Variants in ADAM18 observed in about 807,000 individuals in gnomAD.
The protein encoded by ADAM18 is disintegrin and metalloproteinase domain-containing protein 18.
In ADAM18, 117 loss-of-function variants were observed where a neutral mutation model predicts 94.4. That is an observed-to-expected ratio of 1.24 (90% CI 1.07 to 1.45). The LOEUF is 1.45. Ranked by LOEUF, ADAM18 falls within the 40% of genes most tolerant of loss-of-function variation. ADAM18 has a pLI of 0.00. For synonymous variants in ADAM18, 327 were observed against 291.6 expected (o/e 1.12, Z -1.24); for missense variants, 936 against 880.0 (o/e 1.06, Z -0.81).
intron 6 of ADAM18, among the ~76,000 whole-genome samples, chr8:39,615,677 C>T (rs566106419): frequency 7.2e-5 from 11 of 152,270 alleles, no homozygotes; most frequent in Admixed American, 7.2e-4. Flanking sequence ...ACACTCACCA[C>T]TCCCATTCAA....
At chr8:39,677,322 G>T in intron 14 of ADAM18, 109 bp from the exon 15 acceptor site, 1 of 847,812 alleles carries the variant, frequency 1.2e-6, no homozygotes, top group South Asian at 1.8e-5. Flanking sequence ...ACAAAAGCAT[G>T]ATCAACAAGT....
intron 6 of ADAM18, chr8:39,611,529 T>C (rs1452911189): frequency 2.0e-6 from 2 of 985,270 alleles, no homozygotes; most frequent in African/African-American, 3.5e-5. Flanking sequence ...TAGTTCATTA[T>C]TGCCAAAAGT....
intron 16 of ADAM18, among the ~76,000 whole-genome samples, chr8:39,687,268 A>C (rs1269984724): frequency 1.3e-5 from 2 of 152,232 alleles, no homozygotes; most frequent in Non-Finnish European, 2.9e-5. Context: ...ATGGCCATGC[A>C]TGGCACTTTA....
chr8:39,681,252 A>G (rs1000395505), intron 16 of ADAM18, among the ~76,000 whole-genome samples: 1 of 152,196 alleles, frequency 6.6e-6, no homozygotes, highest in Non-Finnish European at 1.5e-5. Flanking sequence ...CTACAAGGAA[A>G]GCAATTGTGG....
chr8:39,715,783 G>T (rs950164607), intron 18 of ADAM18, among the ~76,000 whole-genome samples: 1 of 151,960 alleles, frequency 6.6e-6, no homozygotes, highest in Admixed American at 6.6e-5. Flanking sequence ...CATACTAAAA[G>T]AATTAAATCA....
Position 39,592,996 on chromosome 8 carries a change from C to T in ADAM18, c.132+7644C>T, listed in dbSNP as rs77229130. On this transcript the variant is annotated intron_variant, in intron 2 of 19. Coordinates refer to ENST00000265707, the MANE Select transcript of ADAM18 (RefSeq NM_014237.3). ...ATTATCTTAGCTAGATCTTACAGAT[C>T]ACTTGTTTCAGCTTCTGTATTGGGA... 8.0e-3 allele frequency among the ~76,000 whole-genome samples: 1,220 copies of T among 152,228 alleles called. 10 individuals carry two copies. The highest frequency in any genetic ancestry group is 0.037 in the Middle Eastern group (11 of 294).
At chr8:39,624,571 A>G (rs963886586) in intron 6 of ADAM18, among the ~76,000 whole-genome samples, 3 of 152,188 alleles carry the variant, frequency 2.0e-5, no homozygotes, top group Non-Finnish European at 2.9e-5. Context: ...GTTTGAAGTC[A>G]GGTCATGTAG....
chr8:39,687,597 C>A lies in ADAM18; in HGVS notation c.1822-5003C>A, dbSNP rs138087198. Among the ~76,000 whole-genome samples the A allele has an allele frequency of 6.6e-5, 10 of 152,216 alleles. No individual in the cohort carries two copies. In the East Asian group the frequency reaches 1.9e-3, roughly 29 times the overall value. On this transcript the variant is annotated intron_variant, in intron 16 of 19. Transcript: ENST00000265707. ...AGTGAGCATAGTACCCAATAAGTAG[C>A]CTCCCAACCCAGGCCCCTTTCCCCA...
intron 7 of ADAM18, among the ~76,000 whole-genome samples, chr8:39,634,463 G>A (rs62511900): frequency 0.065 from 9,863 of 152,266 alleles, 389 homozygotes; most frequent in South Asian, 0.13. Flanking sequence ...AACATGGGCT[G>A]CACACAGCAA....
intron 2 of ADAM18, among the ~76,000 whole-genome samples, chr8:39,600,101 T>G (rs1259174344): frequency 6.6e-6 from 1 of 152,204 alleles, no homozygotes; most frequent in Non-Finnish European, 1.5e-5. Flanking sequence ...AGTTTTCATC[T>G]GTTCTTGGTT....
rs755296293 is a variant in ADAM18 at position 39,723,744 on chromosome 8, C to T, written c.2018-4C>T. 4 of 1,468,812 alleles carry T rather than the reference C, an allele frequency of 2.7e-6. No individual in the cohort carries two copies. The highest frequency in any genetic ancestry group is 3.6e-6 in the Non-Finnish European group (4 of 1,110,784). 91.0% of individuals were successfully genotyped at this position (1,468,812 alleles called of 1,614,324 possible). ...CACTAATTTATCATATGATTCATTT[C>T]TAGGTGACTTTTATACTGAAAAAGG... On this transcript the variant is annotated splice_polypyrimidine_tract_variant and splice_region_variant and intron_variant, in intron 18 of 19. Coordinates refer to ENST00000265707, the MANE Select transcript of ADAM18 (RefSeq NM_014237.3).
intron 16 of ADAM18, among the ~76,000 whole-genome samples, chr8:39,690,881 T>C (rs1821756019): frequency 6.6e-6 from 1 of 152,196 alleles, no homozygotes; most frequent in Non-Finnish European, 1.5e-5. Flanking sequence ...AATTATTCAC[T>C]CTATCAAAGA....
At chr8:39,641,568 T>C (rs1820237959) in intron 10 of ADAM18, among the ~76,000 whole-genome samples, 1 of 151,946 alleles carries the variant, frequency 6.6e-6, no homozygotes, top group Non-Finnish European at 1.5e-5. Context: ...GTCCATATGT[T>C]CTCATCATTC....
At chr8:39,587,242 G>A (rs1478677522) in intron 2 of ADAM18, among the ~76,000 whole-genome samples, 2 of 152,152 alleles carry the variant, frequency 1.3e-5, no homozygotes, top group Non-Finnish European at 2.9e-5. Flanking sequence ...TGCTGAACAT[G>A]AGAATGATTC....
chr8:39,661,376 G>A (rs1314636523), intron 12 of ADAM18, among the ~76,000 whole-genome samples: 3 of 134,896 alleles, frequency 2.2e-5, no homozygotes, highest in Non-Finnish European at 4.5e-5. Flanking sequence ...GGGTTTCACC[G>A]TGTTAGCCAG....
intron 9 of ADAM18, among the ~76,000 whole-genome samples, 154 bp from the exon 10 acceptor site, chr8:39,638,311 G>A (rs986842351): frequency 2.0e-5 from 3 of 151,342 alleles, no homozygotes; most frequent in Non-Finnish European, 4.4e-5. Flanking sequence ...TTAGTATTTA[G>A]TATTTTGTAA....
At chr8:39,700,511 A>C (rs117760520) in intron 17 of ADAM18, among the ~76,000 whole-genome samples, 1 of 152,260 alleles carries the variant, frequency 6.6e-6, no homozygotes, top group Non-Finnish European at 1.5e-5. Flanking sequence ...TATGTGTCCT[A>C]ATATTTTGCA....
chr8:39,600,002 G>A (rs1317632691), intron 2 of ADAM18, among the ~76,000 whole-genome samples: 1 of 151,840 alleles, frequency 6.6e-6, no homozygotes, highest in African/African-American at 2.4e-5. Context: ...TTTATTTCTT[G>A]AGATTGCAGA....
At chr8:39,643,416 C>T (rs959324113) in intron 10 of ADAM18, among the ~76,000 whole-genome samples, 2 of 152,022 alleles carry the variant, frequency 1.3e-5, no homozygotes, top group Non-Finnish European at 2.9e-5. Flanking sequence ...TAATTCTTAC[C>T]TTTTCCTCAC....
Sources: gnomAD v4.1 joint callset for allele counts (sites outside exome capture counted in the v4.1 genomes callset) on GRCh38, gnomAD v4.1.1 for gene constraint, MANE v1.5 for transcripts, NCBI Gene and HGNC (gene_info 2026-07-23, HGNC 2026-07-21) for gene names.